The following PHKB variants were observed in gnomAD, a reference collection of about 807,000 sequenced individuals.
The protein encoded by PHKB is phosphorylase b kinase regulatory subunit beta.
In PHKB, 122 loss-of-function variants were observed where a neutral mutation model predicts 152.1. That is an observed-to-expected ratio of 0.80 (90% CI 0.69 to 0.93). The LOEUF is 0.93. Among genes scored for constraint, PHKB ranks in the 40% least tolerant of loss-of-function variants. PHKB has a pLI of 0.00. For missense variants in PHKB, 1,304 were observed against 1,328.4 expected, an observed-to-expected ratio of 0.98 and a Z score of 0.29; for synonymous variants, 436 against 464.9, an observed-to-expected ratio of 0.94 and a Z score of 0.80.
chr16:47,601,706 A>C (rs1032075718), intron 13 of PHKB, among the ~76,000 whole-genome samples: 1 of 148,368 alleles, frequency 6.7e-6, no homozygotes, highest in Non-Finnish European at 1.5e-5. Flanking sequence ...CTCCATCTCA[A>C]AAAAAAAAAA....
intron 2 of PHKB, among the ~76,000 whole-genome samples, chr16:47,498,970 T>C (rs933569746): frequency 1.3e-5 from 2 of 152,208 alleles, no homozygotes; most frequent in Non-Finnish European, 2.9e-5. Context: ...GCATTACCCA[T>C]CCATTTATAG....
At chr16:47,499,959 C>G (rs2151642959) in intron 3 of PHKB, 65 bp downstream of exon 3, 3 of 1,574,766 alleles carry the variant, frequency 1.9e-6, no homozygotes, top group Non-Finnish European at 2.6e-6. Flanking sequence ...AGGACCAAGA[C>G]TAATTGAGCC....
chr16:47,547,320 G>A, intron 6 of PHKB, 113 bp from the exon 7 acceptor site: 2 of 703,222 alleles, frequency 2.8e-6, no homozygotes, highest in Admixed American at 2.0e-5. Context: ...CCAACCTCAT[G>A]TAATCCCTCC....
At chr16:47,533,674 G>A (rs1209559363) in intron 6 of PHKB, among the ~76,000 whole-genome samples, 1 of 152,232 alleles carries the variant, frequency 6.6e-6, no homozygotes, top group South Asian at 2.1e-4. Context: ...ACTGACAGCA[G>A]GGAGAAGCCA....
rs188873215 is a variant in PHKB, at chr16:47,654,388, G to C, written c.1971+3467G>C. On this transcript the variant is annotated intron_variant, in intron 20 of 30. Coordinates refer to ENST00000323584, the MANE Select transcript of PHKB (RefSeq NM_000293.3). Reference sequence around the variant, plus strand: ...ACTAGTTCAACCATTGTGGATGTCGGTGTGGCGATTCCTCAAGGATCTAGA... The same window carrying C: ...ACTAGTTCAACCATTGTGGATGTCGCTGTGGCGATTCCTCAAGGATCTAGA... 2.0e-5 allele frequency among the ~76,000 whole-genome samples: 3 copies of C among 152,316 alleles called. No homozygotes were observed. The East Asian group carries it at 5.8e-4, about 29-fold the overall frequency.
chr16:47,696,317 C>A, intron 28 of PHKB, 64 bp from the exon 29 acceptor site: 1 of 842,662 alleles, frequency 1.2e-6, no homozygotes, highest in Non-Finnish European at 2.1e-6. Flanking sequence ...AAATGAAATT[C>A]TTCTATTAAA....
At chr16:47,571,751 T>A (rs1021060777) in intron 7 of PHKB, among the ~76,000 whole-genome samples, 4 of 152,136 alleles carry the variant, frequency 2.6e-5, no homozygotes, top group African/African-American at 9.7e-5. Context: ...GTACCGGGGC[T>A]CCTCCACTGC....
intron 7 of PHKB, among the ~76,000 whole-genome samples, chr16:47,569,409 G>A (rs995611907): frequency 6.6e-6 from 1 of 152,044 alleles, no homozygotes; most frequent in Non-Finnish European, 1.5e-5. Flanking sequence ...TATGGGTTAG[G>A]TGGGTCTCTT....
intron 20 of PHKB, among the ~76,000 whole-genome samples, chr16:47,653,691 C>T (rs902116664): frequency 6.6e-6 from 1 of 151,794 alleles, no homozygotes; most frequent in African/African-American, 2.4e-5. Flanking sequence ...TTTTCTATTC[C>T]TTTTAAGAAA....
intron 7 of PHKB, among the ~76,000 whole-genome samples, chr16:47,560,376 T>C (rs1205105757): frequency 6.6e-6 from 1 of 152,176 alleles, no homozygotes; most frequent in African/African-American, 2.4e-5. Flanking sequence ...GTTTATGTAA[T>C]CTATGTAAAA....
intron 14 of PHKB, among the ~76,000 whole-genome samples, chr16:47,639,331 G>T (rs1468435831): frequency 6.6e-6 from 1 of 152,158 alleles, no homozygotes; most frequent in Non-Finnish European, 1.5e-5. Context: ...GAAGAAAATG[G>T]TAAAAACAGA....
chr16:47,636,250 T>C (rs575726829), intron 14 of PHKB, among the ~76,000 whole-genome samples: 1 of 152,276 alleles, frequency 6.6e-6, no homozygotes, highest in Non-Finnish European at 1.5e-5. Context: ...ACCAGAAATA[T>C]AAACATGGAA....
At chr16:47,546,517 T>C (rs1971167850) in intron 6 of PHKB, among the ~76,000 whole-genome samples, 2 of 151,992 alleles carry the variant, frequency 1.3e-5, no homozygotes, top group Admixed American at 6.5e-5. Context: ...GAGGTGTTAG[T>C]CAGCCCCTAC....
chr16:47,473,218 AT>A (rs1043960499), intron 1 of PHKB, among the ~76,000 whole-genome samples: 223 of 48,716 alleles, frequency 4.6e-3, no homozygotes, highest in African/African-American at 0.015. Context: ...TGCCTGGCTA[AT>A]TTTTTTTTTT....
At position 47,683,328 on chromosome 16, in the gene PHKB, C is replaced by T. The variant is rs150419772; in HGVS notation, c.2631-5713C>T. ...CATTTAAGTCTGCAGAGGTTACTGC[C>T]GTCTTTTTGTTTGTCTGTGCCTTGC... On this transcript the variant is annotated intron_variant, in intron 26 of 30. Coordinates refer to ENST00000323584, the MANE Select transcript of PHKB (RefSeq NM_000293.3). Among the ~76,000 whole-genome samples, 280 of 152,316 alleles carry T rather than the reference C, an allele frequency of 1.8e-3. 1 individual carries two copies. Among genetic ancestry groups the T allele is most frequent in the African/African-American group, 6.3e-3 (260 of 41,570 alleles).
At chr16:47,492,421 G>A (rs1970164946) in intron 1 of PHKB, among the ~76,000 whole-genome samples, 4 of 152,200 alleles carry the variant, frequency 2.6e-5, no homozygotes, top group Non-Finnish European at 4.4e-5. Flanking sequence ...CTGATCTGGT[G>A]GAGAAAAGGA....
At chr16:47,661,565 T>TATATCATATCA (rs1973444282) in intron 22 of PHKB, among the ~76,000 whole-genome samples, 154 bp from the exon 23 acceptor site, 2 of 152,232 alleles carry the variant, frequency 1.3e-5, no homozygotes, top group African/African-American at 4.8e-5. Context: ...AATGTCATCT[T>TATATCATATCA]ATGCTTGATA....
At chr16:47,538,370 A>T (rs1970991773) in intron 6 of PHKB, among the ~76,000 whole-genome samples, 1 of 152,220 alleles carries the variant, frequency 6.6e-6, no homozygotes, top group South Asian at 2.1e-4. Context: ...GGGTAAGCTG[A>T]GGGGACCCTG....
chr16:47,695,827 C>G (rs866489271), intron 28 of PHKB, among the ~76,000 whole-genome samples: 1 of 152,204 alleles, frequency 6.6e-6, no homozygotes, highest in African/African-American at 2.4e-5. Context: ...GAAAACTACA[C>G]AGTATTCTTG....
Sources: gnomAD v4.1 joint callset for allele counts (sites outside exome capture counted in the v4.1 genomes callset) on GRCh38, gnomAD v4.1.1 for gene constraint, MANE v1.5 for transcripts, NCBI Gene and HGNC (gene_info 2026-07-23, HGNC 2026-07-21) for gene names.